Variants in ZDHHC14 observed in about 807,000 individuals in gnomAD.
ZDHHC14 encodes the protein zDHHC palmitoyltransferase 14, also known as palmitoyltransferase ZDHHC14.
Under a neutral mutation model 47.7 loss-of-function variants are expected in ZDHHC14, and 16 were observed. That is an observed-to-expected ratio of 0.34 (90% CI 0.23 to 0.51). ZDHHC14 has a LOEUF of 0.51. ZDHHC14 is among the 20% of genes least tolerant of loss of function. ZDHHC14 has a pLI of 0.97. For missense variants in ZDHHC14, 515 were observed against 662.5 expected (o/e 0.78, Z 2.44); for synonymous variants, 293 against 278.9 (o/e 1.05, Z -0.50).
At chr6:157,515,435 A>ATTTCTC (rs1436164158) in intron 1 of ZDHHC14, among the ~76,000 whole-genome samples, 1 of 139,796 alleles carries the variant, frequency 7.2e-6, no homozygotes, top group Non-Finnish European at 1.6e-5. Context: ...CGCACCCTTC[A>ATTTCTC]TTTCTCTTTC....
chr6:157,436,690 C>T (rs950000336), intron 1 of ZDHHC14, among the ~76,000 whole-genome samples: 1 of 151,992 alleles, frequency 6.6e-6, no homozygotes, highest in Non-Finnish European at 1.5e-5. Flanking sequence ...CGGAGAGGGA[C>T]GAAGGCTTGA....
chr6:157,467,377 T>C (rs1779244276), intron 1 of ZDHHC14, among the ~76,000 whole-genome samples: 1 of 152,134 alleles, frequency 6.6e-6, no homozygotes, highest in Non-Finnish European at 1.5e-5. Flanking sequence ...TTTCTGTCTC[T>C]ATAGATTTGT....
At chr6:157,392,865 A>C (rs965182036) in intron 1 of ZDHHC14, among the ~76,000 whole-genome samples, 2 of 151,900 alleles carry the variant, frequency 1.3e-5, no homozygotes, top group Non-Finnish European at 2.9e-5. Context: ...TTTTTATTTT[A>C]TAACAATTTT....
In ZDHHC14 at chr6:157,391,026, A is replaced by G. The variant is rs1562406733; in HGVS notation, c.245+8760A>G. ...GCCACTAGTGTGTGTGAGTCAATCT[A>G]GTTTGTAATGGAAACAGGTTTGGGC... On this transcript the variant is annotated intron_variant, in intron 1 of 8. Coordinates refer to ENST00000359775, the MANE Select transcript of ZDHHC14 (RefSeq NM_024630.3). Among the ~76,000 whole-genome samples, 4 of 152,306 alleles carry G rather than the reference A, an allele frequency of 2.6e-5. No individual in the cohort carries two copies. In the East Asian group the frequency reaches 7.7e-4, roughly 29 times the overall value.
chr6:157,633,034 A>G, intron 5 of ZDHHC14, 152 bp downstream of exon 5: 1 of 814,024 alleles, frequency 1.2e-6, no homozygotes, highest in Non-Finnish European at 2.1e-6. Context: ...CACGAGTAGT[A>G]GCTTCTGACT....
chr6:157,591,273 A>C (rs1783899585), intron 2 of ZDHHC14, among the ~76,000 whole-genome samples: 2 of 152,160 alleles, frequency 1.3e-5, no homozygotes, highest in African/African-American at 4.8e-5. Flanking sequence ...CAGGGGCAGA[A>C]TGATATGGTT....
chr6:157,478,481 C>A (rs1336905803), intron 1 of ZDHHC14, among the ~76,000 whole-genome samples: 1 of 152,174 alleles, frequency 6.6e-6, no homozygotes, highest in Admixed American at 6.5e-5. Context: ...TTTAAGACTT[C>A]TGTTTTCACA....
intron 8 of ZDHHC14, among the ~76,000 whole-genome samples, chr6:157,666,116 T>A (rs1411845303): frequency 6.6e-6 from 1 of 152,262 alleles, no homozygotes; most frequent in Non-Finnish European, 1.5e-5. Flanking sequence ...GTGTACACAC[T>A]TCATTTGATT....
intron 1 of ZDHHC14, among the ~76,000 whole-genome samples, chr6:157,530,137 C>T (rs1781311401): frequency 6.6e-6 from 1 of 152,130 alleles, no homozygotes; most frequent in South Asian, 2.1e-4. Flanking sequence ...ACTTTGAAAA[C>T]CATGTGTATG....
At chr6:157,394,728 A>G (rs149452101) in intron 1 of ZDHHC14, among the ~76,000 whole-genome samples, 1,771 of 152,184 alleles carry the variant, frequency 0.012, 15 homozygotes, top group Non-Finnish European at 0.016. Context: ...CCAAAATAAC[A>G]TCATCGTCGT....
intron 2 of ZDHHC14, among the ~76,000 whole-genome samples, chr6:157,589,580 C>T (rs1783827826): frequency 6.6e-6 from 1 of 152,114 alleles, no homozygotes; most frequent in South Asian, 2.1e-4. Context: ...ACTTCTCCTT[C>T]CTGCTGCCAT....
rs572701010 is a variant in ZDHHC14, at chr6:157,600,812, G to A, written c.565+7666G>A. Among the ~76,000 whole-genome samples the A allele has an allele frequency of 6.6e-5, 10 of 152,122 alleles. No individual in the cohort carries two copies. In the South Asian group the frequency reaches 1.7e-3, roughly 25 times the overall value. ...CCCTTCCCCTCACACCCCCCGGGTT[G>A]CTCCAATGGTTATGTCACGTTGCTT... On this transcript the variant is annotated intron_variant, in intron 3 of 8. Transcript: ENST00000359775.
chr6:157,574,275 T>G (rs1562488009), intron 2 of ZDHHC14, among the ~76,000 whole-genome samples: 1 of 151,932 alleles, frequency 6.6e-6, no homozygotes, highest in African/African-American at 2.4e-5. Context: ...ATACAAAAAT[T>G]AGCTGAGCAT....
chr6:157,628,578 C>T (rs1392342411), intron 4 of ZDHHC14, 92 bp downstream of exon 4: 15 of 1,508,360 alleles, frequency 9.9e-6, no homozygotes, highest in South Asian at 2.5e-5. Context: ...TTGGTCATTT[C>T]GGGCTTTCTC....
intron 1 of ZDHHC14, among the ~76,000 whole-genome samples, chr6:157,411,424 A>G (rs1181499536): frequency 6.6e-6 from 1 of 152,190 alleles, no homozygotes; most frequent in Non-Finnish European, 1.5e-5. Context: ...AAGATGTCAT[A>G]TAATTGTGCA....
At chr6:157,651,641 T>C (rs1170047663) in intron 7 of ZDHHC14, among the ~76,000 whole-genome samples, 1 of 152,060 alleles carries the variant, frequency 6.6e-6, no homozygotes. Flanking sequence ...TGATCTTGGC[T>C]CACTGCAACT....
chr6:157,611,168 T>A (rs1171537897), intron 3 of ZDHHC14, among the ~76,000 whole-genome samples: 5 of 151,980 alleles, frequency 3.3e-5, no homozygotes, highest in Admixed American at 6.6e-5. Context: ...CCCAGCTAAT[T>A]TTTGTATTTT....
chr6:157,458,871 T>TTTTTTTTTTTTTTA (rs1491563247), intron 1 of ZDHHC14, among the ~76,000 whole-genome samples: 4 of 115,226 alleles, frequency 3.5e-5, no homozygotes, highest in African/African-American at 1.1e-4. Flanking sequence ...TTTTTTTTTT[T>TTTTTTTTTTTTTTA]GAGACGGAGT....
Position 157,633,681 on chromosome 6 carries a change from G to GT in ZDHHC14, c.752+802dup, listed in dbSNP as rs369831235. Among the ~76,000 whole-genome samples, 290 of 152,190 alleles carry GT rather than the reference G, an allele frequency of 1.9e-3. 1 individual carries two copies. Among genetic ancestry groups the GT allele is most frequent in the African/African-American group, 6.6e-3 (274 of 41,544 alleles). On this transcript the variant is annotated intron_variant, in intron 5 of 8. Coordinates refer to ENST00000359775, the MANE Select transcript of ZDHHC14 (RefSeq NM_024630.3). ...TTGAGGAAGGGAATTATTCGTTTTT[G>GT]TTTGTTTTGTTTTGTTTGAGACCAA...
Sources: allele counts gnomAD v4.1 joint callset (sites outside exome capture counted in the v4.1 genomes callset), GRCh38; gene constraint gnomAD v4.1.1; transcripts MANE v1.5; gene names NCBI Gene and HGNC (gene_info 2026-07-23, HGNC 2026-07-21).